Variants in EBF3 observed in about 807,000 individuals in gnomAD.
EBF3 encodes the protein transcription factor COE3.
A neutral mutation model predicts 77.1 loss-of-function variants in EBF3; 18 were observed. The ratio of observed to expected loss-of-function variants is 0.23; its 90% CI spans 0.16 to 0.35. The LOEUF (loss-of-function observed/expected upper bound fraction) is 0.35, where lower values mean the gene tolerates loss of function less well. EBF3 is among the 10% of genes least tolerant of loss of function. The pLI is 1.00. For missense variants in EBF3, 558 were observed against 860.0 expected (o/e 0.65, Z 4.39); for synonymous variants, 350 against 343.5 (o/e 1.02, Z -0.21).
chr10:129,920,960 G>A (rs1430614679), intron 6 of EBF3, among the ~76,000 whole-genome samples: 1 of 152,118 alleles, frequency 6.6e-6, no homozygotes, highest in African/African-American at 2.4e-5. Flanking sequence ...CCCACCAGAA[G>A]GCTGTTGTGA....
chr10:129,877,914 A>C (rs1183779717), intron 6 of EBF3, 65 bp from the exon 7 acceptor site: 2 of 1,340,678 alleles, frequency 1.5e-6, no homozygotes, highest in African/African-American at 1.5e-5. Context: ...AACTTTTTAA[A>C]AGACACTCTT....
chr10:129,963,131 G>A lies in EBF3; in HGVS notation c.292-126C>T. 1.5e-6 allele frequency: 2 copies of A among 1,304,336 alleles called. No individual in the cohort carries two copies. The allele number at this position is 1,304,336 out of a possible 1,614,324, so 80.8% of individuals were successfully genotyped here. A position where few individuals can be genotyped will look rare whatever the true frequency, so the allele number is the denominator to read the frequency against. ...GGCAGGATTCCTAGCTCGAAGCAGCGCGGTGATGTCACTTTCCTGCTGGAA... is the reference window on the plus strand; with the variant it reads ...GGCAGGATTCCTAGCTCGAAGCAGCACGGTGATGTCACTTTCCTGCTGGAA... On this transcript the variant is annotated intron_variant, in intron 2 of 16. Transcript: ENST00000440978. This position sits in a 1 kb window ranked among gnomAD's most constrained non-coding sequence, Gnocchi z 7.1.
chr10:129,854,892 C>T lies in EBF3; in HGVS notation c.1040-6412G>A, dbSNP rs191242738. 7.2e-5 allele frequency among the ~76,000 whole-genome samples: 11 copies of T among 152,348 alleles called. No individual in the cohort carries two copies. The East Asian group carries it at 1.9e-3, about 27-fold the overall frequency. ...CGCGTCGTTCACCAGGGGCGCTGCC[C>T]GCGGGGGCCGGCCTGGCTCCCCAGC... On this transcript the variant is annotated intron_variant, in intron 10 of 16. Coordinates refer to ENST00000440978, the MANE Select transcript of EBF3 (RefSeq NM_001375380.1).
rs1016092159 is a variant in EBF3 at position 129,835,651 on chromosome 10, G to A, written c.*2292C>T. On this transcript the variant is annotated 3_prime_UTR_variant, in exon 17 of 17. Transcript: ENST00000440978. ...TTGTCAACCATCACAAAGCCAGACT[G>A]TGACCTGCTGACTCCTGGGGACATT... 2 of 152,388 alleles carry A rather than the reference G, an allele frequency of 1.3e-5. No individual in the cohort carries two copies. The highest frequency in any genetic ancestry group is 1.3e-4 in the Admixed American group (2 of 15,274). 9.4% of individuals were successfully genotyped at this position (152,388 alleles called of 1,614,324 possible). A position where few individuals can be genotyped will look rare whatever the true frequency, so the allele number is the denominator to read the frequency against.
intron 6 of EBF3, among the ~76,000 whole-genome samples, chr10:129,912,931 A>G (rs767649426): frequency 6.6e-5 from 10 of 152,244 alleles, no homozygotes; most frequent in Non-Finnish European, 1.5e-4. Context: ...AACACATCTA[A>G]GTCGACCTGA....
intron 6 of EBF3, among the ~76,000 whole-genome samples, chr10:129,939,443 A>C (rs1226720201): frequency 2.6e-5 from 4 of 152,262 alleles, no homozygotes; most frequent in Non-Finnish European, 1.5e-5. Flanking sequence ...CCATCAGCTG[A>C]AACACGTGAC....
rs1442012531 is a variant in EBF3, at chr10:129,915,487, CACACACACACAA to C, written c.555-37650_555-37639del. The stretch of plus-strand genomic sequence containing the variant: ...GCACACACACACACACACACACACA[CACACACACACAA>C]AAAAGCCAAGACAAGTTGGGTGTTG... On this transcript the variant is annotated intron_variant, in intron 6 of 16. Transcript: ENST00000440978. 8.9e-4 allele frequency among the ~76,000 whole-genome samples: 113 copies of C among 126,944 alleles called. 1 individual carries two copies. Among genetic ancestry groups the C allele is most frequent in the African/African-American group, 2.9e-3 (92 of 31,900 alleles). 83.3% of individuals were successfully genotyped at this position (126,944 alleles called of 152,430 possible). A position where few individuals can be genotyped will look rare whatever the true frequency, so the allele number is the denominator to read the frequency against.
chr10:129,917,679 A>AAAAC (rs1564887155), intron 6 of EBF3, among the ~76,000 whole-genome samples: 1 of 141,982 alleles, frequency 7.0e-6, no homozygotes, highest in Non-Finnish European at 1.5e-5. Context: ...AAAAAAAAAA[A>AAAAC]CTAAAACCAA....
intron 6 of EBF3, among the ~76,000 whole-genome samples, chr10:129,941,965 C>G (rs539969585): frequency 6.6e-6 from 1 of 152,198 alleles, no homozygotes; most frequent in Non-Finnish European, 1.5e-5. Context: ...GACAGACACA[C>G]GAGGACTTGG....
chr10:129,885,601 T>C lies in EBF3; in HGVS notation c.555-7752A>G, dbSNP rs1427043842. ...TTTCTTTCCCCCCTTTACCTATTTC[T>C]CTATTTCTAATGGGCAATGCAGCAC... On this transcript the variant is annotated intron_variant, in intron 6 of 16. Transcript: ENST00000440978. The surrounding 1 kb of genome is among the most constrained non-coding windows in gnomAD (Gnocchi z 4.0). Among the ~76,000 whole-genome samples, 1 of 152,168 alleles carries C rather than the reference T, an allele frequency of 6.6e-6. No homozygotes were observed. Among genetic ancestry groups the C allele is most frequent in the Non-Finnish European group, 1.5e-5 (1 of 68,032 alleles).
chr10:129,953,320 A>G (rs1348476487), intron 6 of EBF3, among the ~76,000 whole-genome samples: 2 of 152,232 alleles, frequency 1.3e-5, no homozygotes, highest in Non-Finnish European at 2.9e-5. Flanking sequence ...ATCTGAGGTC[A>G]GCTGAAAAGT....
rs1858758018 is a variant in EBF3 at position 129,952,707 on chromosome 10, CA to C, written c.554+4550del. Among the ~76,000 whole-genome samples the C allele has an allele frequency of 6.6e-6, 1 of 152,060 alleles. No individual in the cohort carries two copies. The highest frequency in any genetic ancestry group is 1.5e-5 in the Non-Finnish European group (1 of 68,016). Reference sequence around the variant, plus strand: ...CTCCCCGCTTCTGAAAACAACCTGACAAGAAGATGTAAAGGGCTAGGGAATA... The same window carrying C: ...CTCCCCGCTTCTGAAAACAACCTGACAGAAGATGTAAAGGGCTAGGGAATA... On this transcript the variant is annotated intron_variant, in intron 6 of 16. Coordinates refer to ENST00000440978, the MANE Select transcript of EBF3 (RefSeq NM_001375380.1). The surrounding 1 kb of genome is among the most constrained non-coding windows in gnomAD (Gnocchi z 4.7).
intron 6 of EBF3, among the ~76,000 whole-genome samples, chr10:129,954,422 C>CT (rs1014479332): frequency 2.3e-4 from 34 of 145,122 alleles, no homozygotes; most frequent in South Asian, 7.2e-4. Flanking sequence ...TCCCCCCCCC[C>CT]TTTTTTTTTC....
intron 6 of EBF3, among the ~76,000 whole-genome samples, chr10:129,953,771 G>A (rs570713042): frequency 1.4e-3 from 219 of 152,334 alleles, no homozygotes; most frequent in Admixed American, 5.2e-3. Flanking sequence ...CAAGCAAGGA[G>A]GGGGAGAAAA....
chr10:129,917,194 C>T (rs1855936408), intron 6 of EBF3, among the ~76,000 whole-genome samples: 1 of 152,118 alleles, frequency 6.6e-6, no homozygotes, highest in South Asian at 2.1e-4. Context: ...CATGGCGAAA[C>T]CCCATCTCTA....
chr10:129,890,078 C>T (rs1276066006), intron 6 of EBF3, among the ~76,000 whole-genome samples: 2 of 151,584 alleles, frequency 1.3e-5, no homozygotes, highest in Admixed American at 6.6e-5. Context: ...GTCCTTACCC[C>T]GACGCTTGGA....
In EBF3 at chr10:129,963,955, A is replaced by G; in HGVS notation, c.-187T>C. ...ATACACCAGCGGCCGGGCGCTCCGGACGGCCAGGGGCGCGGAGGCGGCTCC... is the reference window on the plus strand; with the variant it reads ...ATACACCAGCGGCCGGGCGCTCCGGGCGGCCAGGGGCGCGGAGGCGGCTCC... On this transcript the variant is annotated 5_prime_UTR_variant, in exon 1 of 17. Coordinates refer to ENST00000440978, the MANE Select transcript of EBF3 (RefSeq NM_001375380.1). The surrounding 1 kb of genome is among the most constrained non-coding windows in gnomAD (Gnocchi z 7.1). 1 of 1,034,230 alleles carries G rather than the reference A, an allele frequency of 9.7e-7. No individual in the cohort carries two copies. The allele number at this position is 1,034,230 out of a possible 1,614,324, so 64.1% of individuals were successfully genotyped here.
intron 14 of EBF3, 91 bp from the exon 15 acceptor site, chr10:129,840,533 AG>A: frequency 1.4e-6 from 2 of 1,405,134 alleles, no homozygotes; most frequent in South Asian, 1.3e-5. Context: ...ACGGGGGGGC[AG>A]GGGCACGAAA....
chr10:129,839,991 G>C (rs757343440), intron 15 of EBF3, among the ~76,000 whole-genome samples: 12 of 152,240 alleles, frequency 7.9e-5, no homozygotes, highest in Non-Finnish European at 1.6e-4. Flanking sequence ...GTGCTCCACC[G>C]TAAGTACACT....
Sources: allele counts gnomAD v4.1 joint callset (sites outside exome capture counted in the v4.1 genomes callset), GRCh38; gene constraint gnomAD v4.1.1; non-coding constraint Gnocchi (gnomAD v3.1); transcripts MANE v1.5; gene names NCBI Gene and HGNC (gene_info 2026-07-23, HGNC 2026-07-21).